ASIC2: variants seen among roughly 807,000 people sequenced by gnomAD.
ASIC2 encodes the protein acid-sensing ion channel 2.
In ASIC2, 25 loss-of-function variants were observed where a neutral mutation model predicts 57.3. The observed-to-expected ratio is 0.44, with a 90% CI of 0.32 to 0.61. ASIC2 has a LOEUF of 0.61. ASIC2 is among the 20% of genes least tolerant of loss of function. The pLI, the probability that ASIC2 is intolerant of heterozygous loss-of-function variation, is 0.06. For synonymous variants in ASIC2, 319 were observed against 307.5 expected, an observed-to-expected ratio of 1.04 and a Z score of -0.39; for missense variants, 641 against 738.1, an observed-to-expected ratio of 0.87 and a Z score of 1.52.
chr17:34,024,507 G>C (rs1907299629), intron 1 of ASIC2, among the ~76,000 whole-genome samples: 2 of 152,210 alleles, frequency 1.3e-5, no homozygotes, highest in Admixed American at 6.5e-5. Flanking sequence ...TAGCAACTTT[G>C]GGCTGTTTTC....
intron 1 of ASIC2, among the ~76,000 whole-genome samples, chr17:33,500,717 C>A (rs959005036): frequency 1.3e-5 from 2 of 152,222 alleles, no homozygotes; most frequent in Non-Finnish European, 2.9e-5. Context: ...GATGATAAAA[C>A]ACCTTTATCC....
intron 1 of ASIC2, among the ~76,000 whole-genome samples, chr17:33,748,530 A>C (rs1056079735): frequency 5.9e-5 from 9 of 152,188 alleles, no homozygotes; most frequent in Non-Finnish European, 1.3e-4. Flanking sequence ...GAAAGAAAAA[A>C]CAGAAACCCA....
At chr17:33,718,559 A>G (rs1909293515) in intron 1 of ASIC2, among the ~76,000 whole-genome samples, 2 of 152,124 alleles carry the variant, frequency 1.3e-5, no homozygotes, top group African/African-American at 4.8e-5. Flanking sequence ...CCACTCCCAC[A>G]TGGTGCAGAG....
chr17:33,097,439 A>G (rs1431647195), intron 2 of ASIC2, among the ~76,000 whole-genome samples: 1 of 152,246 alleles, frequency 6.6e-6, no homozygotes, highest in African/African-American at 2.4e-5. Context: ...ACCCGGGGCC[A>G]TTGACTCACG....
chr17:33,173,441 G>C (rs1905608903), intron 1 of ASIC2, among the ~76,000 whole-genome samples: 1 of 152,180 alleles, frequency 6.6e-6, no homozygotes, highest in South Asian at 2.1e-4. Flanking sequence ...GGCGCAAACA[G>C]AAAGTGAGAC....
chr17:33,166,404 C>G (rs1416757164), intron 1 of ASIC2, among the ~76,000 whole-genome samples: 3 of 152,170 alleles, frequency 2.0e-5, no homozygotes, highest in African/African-American at 7.2e-5. Context: ...ATAAAGTTGA[C>G]AGCCAAGTTC....
intron 1 of ASIC2, among the ~76,000 whole-genome samples, chr17:34,126,875 C>T (rs924071731): frequency 2.0e-5 from 3 of 152,164 alleles, no homozygotes; most frequent in African/African-American, 4.8e-5. Flanking sequence ...GCTGATGCTG[C>T]TAGTGCGTGA....
intron 1 of ASIC2, among the ~76,000 whole-genome samples, chr17:34,011,056 GAC>G (rs1491505911): frequency 1.4e-3 from 13 of 9,128 alleles, no homozygotes; most frequent in African/African-American, 3.0e-3. Flanking sequence ...CACACACACA[GAC>G]ACACACATGC....
chr17:33,166,771 C>T (rs543039623), intron 1 of ASIC2, among the ~76,000 whole-genome samples: 84 of 152,330 alleles, frequency 5.5e-4, no homozygotes, highest in African/African-American at 1.9e-3. Context: ...CTGCAGGAAC[C>T]GAACGGTATT....
At chr17:33,775,437 T>G (rs1911239140) in intron 1 of ASIC2, among the ~76,000 whole-genome samples, 1 of 152,228 alleles carries the variant, frequency 6.6e-6, no homozygotes. Context: ...GAAGTATTTC[T>G]TGACAGCTGG....
At chr17:33,594,306 C>T (rs1904913857) in intron 1 of ASIC2, among the ~76,000 whole-genome samples, 2 of 152,344 alleles carry the variant, frequency 1.3e-5, no homozygotes, top group African/African-American at 4.8e-5. Flanking sequence ...TTAGGCCAAC[C>T]CCCATCTCAT....
intron 1 of ASIC2, among the ~76,000 whole-genome samples, chr17:34,023,588 G>A (rs937276048): frequency 2.6e-5 from 4 of 152,190 alleles, no homozygotes; most frequent in South Asian, 4.2e-4. Flanking sequence ...TAAGGCCCTC[G>A]TAAAAGAGGC....
At chr17:33,696,730 CAG>C (rs1166414394) in intron 1 of ASIC2, among the ~76,000 whole-genome samples, 1 of 152,166 alleles carries the variant, frequency 6.6e-6, no homozygotes, top group Non-Finnish European at 1.5e-5. Flanking sequence ...TGATAACACA[CAG>C]AGTCATTGAA....
At chr17:33,322,453 C>T (rs531497385) in intron 1 of ASIC2, among the ~76,000 whole-genome samples, 1 of 152,256 alleles carries the variant, frequency 6.6e-6, no homozygotes, top group African/African-American at 2.4e-5. Flanking sequence ...TTGCAGCATG[C>T]TTCTATTAAG....
At chr17:33,966,949 C>T (rs1313575384) in intron 1 of ASIC2, among the ~76,000 whole-genome samples, 1 of 152,050 alleles carries the variant, frequency 6.6e-6, no homozygotes, top group Non-Finnish European at 1.5e-5. Context: ...AAATGTGGGC[C>T]CTGCTCCCCT....
In ASIC2 at chr17:34,099,486, A is replaced by C. The variant is rs147650673; in HGVS notation, c.555+56492T>G. ...AGAAAGAGAGAGAAAGGAAGGAAGG[A>C]GGGAAAAGAAGGAAAGAGGAAAGAA... On this transcript the variant is annotated intron_variant, in intron 1 of 9. Coordinates refer to the ASIC2 transcript ENST00000359872. 6.7e-3 allele frequency among the ~76,000 whole-genome samples: 971 copies of C among 144,760 alleles called. 12 individuals carry two copies. Among genetic ancestry groups the C allele is most frequent in the African/African-American group, 0.024 (913 of 38,658 alleles). The allele number at this position is 144,760 out of a possible 152,430, so 95.0% of individuals were successfully genotyped here.
rs1013780212 is a variant in ASIC2 at position 33,319,308 on chromosome 17, G to T, written c.556-207241C>A. 6.6e-5 allele frequency among the ~76,000 whole-genome samples: 10 copies of T among 152,176 alleles called. No homozygotes were observed. The East Asian group carries it at 1.7e-3, about 26-fold the overall frequency. ...GGACATCTTCAGCACTGAGGGAGTG[G>T]CTCTTCCTGCTTCAAGGGTCCATAG... On this transcript the variant is annotated intron_variant, in intron 1 of 9. Transcript: ENST00000359872.
At chr17:33,111,724 A>G in intron 2 of ASIC2, 193 bp downstream of exon 2, 1 of 640,944 alleles carries the variant, frequency 1.6e-6, no homozygotes, top group Non-Finnish European at 2.4e-6. Context: ...CCTCTCTCAC[A>G]TAGTAAAAGG....
intron 1 of ASIC2, among the ~76,000 whole-genome samples, chr17:33,740,973 T>C (rs1351580607): frequency 6.6e-6 from 1 of 152,188 alleles, no homozygotes; most frequent in African/African-American, 2.4e-5. Context: ...CTTCAACACC[T>C]TAAGAGACTC....
Sources: gnomAD v4.1 joint callset for allele counts (sites outside exome capture counted in the v4.1 genomes callset) on GRCh38, gnomAD v4.1.1 for gene constraint, MANE v1.5 for transcripts, NCBI Gene and HGNC (gene_info 2026-07-23, HGNC 2026-07-21) for gene names.